MARCHF11: variants seen among roughly 807,000 people sequenced by gnomAD.
MARCHF11 encodes the protein membrane associated ring-CH-type finger 11.
MARCHF11 carries 29 observed loss-of-function variants against 37.3 expected under a neutral mutation model. The observed-to-expected ratio is 0.78, with a 90% CI of 0.58 to 1.06. The LOEUF (loss-of-function observed/expected upper bound fraction) is 1.06, where lower values mean the gene tolerates loss of function less well. MARCHF11 is among the 50% of genes least tolerant of loss of function. The pLI, the probability that MARCHF11 is intolerant of heterozygous loss-of-function variation, is 0.00. For missense variants in MARCHF11, 482 were observed against 533.4 expected (o/e 0.90, Z 0.95); for synonymous variants, 233 against 228.0 (o/e 1.02, Z -0.20).
chr5:16,083,811 T>C (rs1186228404), intron 3 of MARCHF11, among the ~76,000 whole-genome samples: 1 of 152,228 alleles, frequency 6.6e-6, no homozygotes, highest in Admixed American at 6.5e-5. Context: ...TAATTATGCT[T>C]TCCTTATTCT....
chr5:16,140,821 C>T (rs771006287), intron 2 of MARCHF11, among the ~76,000 whole-genome samples: 10 of 152,042 alleles, frequency 6.6e-5, no homozygotes, highest in South Asian at 2.1e-4. Flanking sequence ...AATGCTGGGA[C>T]GGAATTTGAC....
Position 16,085,672 on chromosome 5 carries a change from G to A in MARCHF11, c.886+5217C>T, listed in dbSNP as rs866453235. On this transcript the variant is annotated intron_variant, in intron 3 of 3. Transcript: ENST00000332432. Reference sequence around the variant, plus strand: ...AAAATTTACATAAGCTTATTACTCCGCCGGGCGCAGTGGCTCACGCCTGTA... The same window carrying A: ...AAAATTTACATAAGCTTATTACTCCACCGGGCGCAGTGGCTCACGCCTGTA... Among the ~76,000 whole-genome samples, 42 of 151,832 alleles carry A rather than the reference G, an allele frequency of 2.8e-4. 1 individual carries two copies. Among genetic ancestry groups the A allele is most frequent in the African/African-American group, 9.4e-4 (39 of 41,350 alleles).
At chr5:16,166,450 T>G (rs909819915) in intron 2 of MARCHF11, among the ~76,000 whole-genome samples, 1 of 31,318 alleles carries the variant, frequency 3.2e-5, no homozygotes, top group Admixed American at 4.6e-4. Flanking sequence ...AAATGGATCA[T>G]GTGATACTTG....
chr5:16,089,209 C>A (rs1736750832), intron 3 of MARCHF11, among the ~76,000 whole-genome samples: 1 of 151,932 alleles, frequency 6.6e-6, no homozygotes, highest in African/African-American at 2.4e-5. Context: ...GGATTGGGAG[C>A]TAACTGGCTC....
chr5:16,116,067 G>C (rs1737222264), intron 2 of MARCHF11, among the ~76,000 whole-genome samples: 1 of 152,136 alleles, frequency 6.6e-6, no homozygotes, highest in South Asian at 2.1e-4. Flanking sequence ...CTAGCCTTTG[G>C]AACATGAATG....
At chr5:16,108,693 T>C (rs903894499) in intron 2 of MARCHF11, among the ~76,000 whole-genome samples, 3 of 151,966 alleles carry the variant, frequency 2.0e-5, no homozygotes, top group Admixed American at 6.6e-5. Flanking sequence ...ACCAGGATCT[T>C]TGGAAGCTGC....
chr5:16,111,829 G>T (rs1737144546), intron 2 of MARCHF11, among the ~76,000 whole-genome samples: 1 of 152,192 alleles, frequency 6.6e-6, no homozygotes, highest in Non-Finnish European at 1.5e-5. Context: ...CCAGGCCTAA[G>T]ACCCCCATGA....
At chr5:16,110,395 C>T (rs1240315300) in intron 2 of MARCHF11, among the ~76,000 whole-genome samples, 1 of 152,108 alleles carries the variant, frequency 6.6e-6, no homozygotes, top group Non-Finnish European at 1.5e-5. Flanking sequence ...TGGAGACTGA[C>T]CAGTCCACCT....
intron 1 of MARCHF11, 146 bp from the exon 2 acceptor site, chr5:16,178,027 T>A: frequency 1.5e-6 from 1 of 671,194 alleles, no homozygotes; most frequent in Non-Finnish European, 2.3e-6. Context: ...ATTTTATACC[T>A]CTGATGGGAA....
In MARCHF11 at chr5:16,179,162, C is replaced by T. The variant is rs751208637; in HGVS notation, c.414G>A (p.Gln138=). 5 of 1,433,678 alleles carry T rather than the reference C, an allele frequency of 3.5e-6. No homozygotes were observed. The highest frequency in any genetic ancestry group is 1.4e-5 in the South Asian group (1 of 70,918). 88.8% of individuals were successfully genotyped at this position (1,433,678 alleles called of 1,614,324 possible). Residue 138 remains glutamine (Q), a synonymous_variant, in exon 1 of 4, where the codon CAG becomes CAA. Coordinates refer to ENST00000332432, the MANE Select transcript of MARCHF11 (RefSeq NM_001102562.3). ...TGCTGCACACCGAGCGCGTCTCGGGCTGGTCTCCGGCGCCCCGCCGCTCGC... is the reference window on the plus strand; with the variant it reads ...TGCTGCACACCGAGCGCGTCTCGGGTTGGTCTCCGGCGCCCCGCCGCTCGC... ...GERERRGAGD[Q]PETRSVCSSR...
intron 2 of MARCHF11, among the ~76,000 whole-genome samples, chr5:16,097,440 T>G (rs907007400): frequency 6.6e-6 from 1 of 152,116 alleles, no homozygotes; most frequent in Non-Finnish European, 1.5e-5. Flanking sequence ...CTAAACAACC[T>G]AGAGAAAATC....
chr5:16,078,186 T>C (rs1579674703), intron 3 of MARCHF11, among the ~76,000 whole-genome samples: 1 of 152,230 alleles, frequency 6.6e-6, no homozygotes, highest in African/African-American at 2.4e-5. Context: ...AGTGACAGGG[T>C]CTGGGTTCTT....
intron 3 of MARCHF11, among the ~76,000 whole-genome samples, chr5:16,090,130 G>A (rs576289999): frequency 6.6e-6 from 1 of 151,954 alleles, no homozygotes; most frequent in Non-Finnish European, 1.5e-5. Flanking sequence ...CCAATGCCGT[G>A]GTACCTCCCC....
intron 2 of MARCHF11, among the ~76,000 whole-genome samples, chr5:16,159,882 A>G (rs984172232): frequency 2.0e-5 from 3 of 151,992 alleles, no homozygotes; most frequent in Non-Finnish European, 4.4e-5. Flanking sequence ...ATGGCTTGCC[A>G]TTAGTAAAAT....
intron 2 of MARCHF11, among the ~76,000 whole-genome samples, chr5:16,099,636 C>G (rs1473226848): frequency 2.0e-5 from 3 of 151,884 alleles, no homozygotes; most frequent in Non-Finnish European, 4.4e-5. Flanking sequence ...AAAGAGACCA[C>G]TCATTTGAAG....
chr5:16,114,440 T>G (rs1039186345), intron 2 of MARCHF11, among the ~76,000 whole-genome samples: 1 of 152,208 alleles, frequency 6.6e-6, no homozygotes, highest in African/African-American at 2.4e-5. Context: ...TTTTTGAGTT[T>G]CATTTTTGCA....
At chr5:16,092,186 TTGTC>T (rs140120511) in intron 2 of MARCHF11, among the ~76,000 whole-genome samples, 3,849 of 152,190 alleles carry the variant, frequency 0.025, 166 homozygotes, top group African/African-American at 0.087. Context: ...CTCTCCCTCA[TTGTC>T]TGTCTCTCTG....
intron 2 of MARCHF11, among the ~76,000 whole-genome samples, chr5:16,107,265 G>A (rs113610135): frequency 4.8e-4 from 73 of 152,082 alleles, no homozygotes; most frequent in African/African-American, 1.2e-3. Context: ...TCTCCCAAGC[G>A]TTGCTTAAAG....
At chr5:16,177,591 T>C in intron 2 of MARCHF11, 135 bp downstream of exon 2, 1 of 650,972 alleles carries the variant, frequency 1.5e-6, no homozygotes, top group South Asian at 6.0e-5. Context: ...TTACAAATTC[T>C]AAATCTTGGT....
Sources: gnomAD v4.1 joint callset for allele counts (sites outside exome capture counted in the v4.1 genomes callset) on GRCh38, gnomAD v4.1.1 for gene constraint, MANE v1.5 for transcripts, NCBI Gene and HGNC (gene_info 2026-07-23, HGNC 2026-07-21) for gene names.